DNM3: variants seen among roughly 807,000 people sequenced by gnomAD.
DNM3 encodes the protein dynamin 3.
In DNM3, 47 loss-of-function variants were observed where a neutral mutation model predicts 101.6. The ratio of observed to expected loss-of-function variants is 0.46; its 90% CI spans 0.37 to 0.59. DNM3 has a LOEUF of 0.59. Among genes scored for constraint, DNM3 ranks in the 20% least tolerant of loss-of-function variants. DNM3 has a pLI of 0.00. For missense variants in DNM3, 849 were observed against 1,085.7 expected, an observed-to-expected ratio of 0.78 and a Z score of 3.06; for synonymous variants, 385 against 387.9, an observed-to-expected ratio of 0.99 and a Z score of 0.09.
chr1:172,403,748 C>A (rs2070683470), intron 20 of DNM3, among the ~76,000 whole-genome samples: 1 of 152,102 alleles, frequency 6.6e-6, no homozygotes, highest in Non-Finnish European at 1.5e-5. Context: ...CACAGTGTTT[C>A]AATAAACACT....
At chr1:171,923,815 T>C (rs2040357791) in intron 2 of DNM3, among the ~76,000 whole-genome samples, 1 of 152,194 alleles carries the variant, frequency 6.6e-6, no homozygotes, top group Non-Finnish European at 1.5e-5. Flanking sequence ...AGGTAGAATT[T>C]CAACCTTCAC....
chr1:171,931,280 A>G (rs534818247), intron 2 of DNM3, among the ~76,000 whole-genome samples: 1 of 152,304 alleles, frequency 6.6e-6, no homozygotes, highest in South Asian at 2.1e-4. Flanking sequence ...ATCCCAGCTG[A>G]TATCTGGAGA....
chr1:172,041,518 G>T (rs2049386249), intron 7 of DNM3, among the ~76,000 whole-genome samples: 1 of 152,148 alleles, frequency 6.6e-6, no homozygotes, highest in African/African-American at 2.4e-5. Context: ...TAAAGCGGAA[G>T]GTGTGGAGAA....
At chr1:171,859,502 T>C (rs1268681435) in intron 1 of DNM3, among the ~76,000 whole-genome samples, 1 of 152,188 alleles carries the variant, frequency 6.6e-6, no homozygotes, top group Non-Finnish European at 1.5e-5. Context: ...AATGCATTAA[T>C]CTACAAATAT....
At chr1:172,325,239 C>A (rs2065892760) in intron 17 of DNM3, among the ~76,000 whole-genome samples, 1 of 152,150 alleles carries the variant, frequency 6.6e-6, no homozygotes, top group South Asian at 2.1e-4. Flanking sequence ...GCAGAAGGCT[C>A]TTCAGGGTCT....
chr1:171,907,615 C>T (rs1421634359), intron 1 of DNM3, among the ~76,000 whole-genome samples: 2 of 152,148 alleles, frequency 1.3e-5, no homozygotes, highest in Non-Finnish European at 2.9e-5. Context: ...ATCTGGCGCC[C>T]CTTTCTTTCT....
At chr1:172,402,036 A>G (rs2070528775) in intron 20 of DNM3, among the ~76,000 whole-genome samples, 1 of 152,058 alleles carries the variant, frequency 6.6e-6, no homozygotes, top group Non-Finnish European at 1.5e-5. Flanking sequence ...GCCCATTCAC[A>G]CTCATTGATC....
intron 14 of DNM3, among the ~76,000 whole-genome samples, chr1:172,227,302 A>ATATATATATATATATATATATATATATC (rs1557846135): frequency 7.8e-6 from 1 of 127,574 alleles, no homozygotes; most frequent in African/African-American, 2.9e-5. Context: ...ATATATATAT[A>ATATATATATATATATATATATATATATC]TATCACATTT....
At chr1:172,308,146 A>T (rs1434569984) in intron 15 of DNM3, among the ~76,000 whole-genome samples, 1 of 152,210 alleles carries the variant, frequency 6.6e-6, no homozygotes, top group Non-Finnish European at 1.5e-5. Context: ...CATGTATTGC[A>T]TTTTATGTAA....
chr1:172,193,071 A>G (rs926214660), intron 14 of DNM3, among the ~76,000 whole-genome samples: 6 of 151,698 alleles, frequency 4.0e-5, no homozygotes, highest in Admixed American at 3.9e-4. Flanking sequence ...TTGCCATTCT[A>G]ACTGGTGTGA....
At position 172,014,761 on chromosome 1, in the gene DNM3, A is replaced by AT. The variant is rs371990984; in HGVS notation, c.590-17632dup. On this transcript the variant is annotated intron_variant, in intron 4 of 20. Transcript: ENST00000627582. ...CTGTGACTTGTTTTCTCACTTTTTA[A>AT]TTTTTTTTTCTGAGCAGAGCTTTTA... Among the ~76,000 whole-genome samples the AT allele has an allele frequency of 9.8e-3, 1,468 of 150,384 alleles. 29 individuals are homozygous for AT. The highest frequency in any genetic ancestry group is 0.034 in the African/African-American group (1,396 of 41,042).
intron 17 of DNM3, among the ~76,000 whole-genome samples, chr1:172,354,112 T>TGTGTGTGAGAGAGAGAGAGAGAGA (rs138540712): frequency 2.1e-5 from 2 of 94,940 alleles, no homozygotes; most frequent in Non-Finnish European, 1.9e-5. Flanking sequence ...TGTGTGTGTG[T>TGTGTGTGAGAGAGAGAGAGAGAGA]GAGAGAGAGA....
chr1:172,354,112 T>TGTGTGAGAGAGAGAGAGAGAGA (rs138540712), intron 17 of DNM3, among the ~76,000 whole-genome samples: 50 of 94,958 alleles, frequency 5.3e-4, no homozygotes, highest in Admixed American at 7.8e-4. Context: ...TGTGTGTGTG[T>TGTGTGAGAGAGAGAGAGAGAGA]GAGAGAGAGA....
chr1:171,925,152 C>T (rs1451246693), intron 2 of DNM3, among the ~76,000 whole-genome samples: 2 of 151,718 alleles, frequency 1.3e-5, no homozygotes, highest in Admixed American at 6.6e-5. Flanking sequence ...TCACCCACCT[C>T]GGTCTCCCAA....
In DNM3 at chr1:172,411,510, C is replaced by A. The variant is rs1253602848; in HGVS notation, c.*3669C>A. 2 of 976,554 alleles carry A rather than the reference C, an allele frequency of 2.0e-6. No individual in the cohort carries two copies. Among genetic ancestry groups the A allele is most frequent in the East Asian group, 1.2e-4 (1 of 8,620 alleles). The allele number at this position is 976,554 out of a possible 1,614,324, so 60.5% of individuals were successfully genotyped here. A position where few individuals can be genotyped will look rare whatever the true frequency, so the allele number is the denominator to read the frequency against. On this transcript the variant is annotated 3_prime_UTR_variant, in exon 21 of 21. Coordinates refer to ENST00000627582, the MANE Select transcript of DNM3 (RefSeq NM_015569.5). Reference sequence around the variant, plus strand: ...AATCTTAAAAAGCCAAGTTGATATACATAGTCATTTTTCCTCTATGGTAGA... The same window carrying A: ...AATCTTAAAAAGCCAAGTTGATATAAATAGTCATTTTTCCTCTATGGTAGA...
rs187218109 is a variant in DNM3, at chr1:172,146,614, A to G, written c.1659+15326A>G. 3.1e-3 allele frequency among the ~76,000 whole-genome samples: 477 copies of G among 152,204 alleles called. 2 individuals carry two copies. Among genetic ancestry groups the G allele is most frequent in the African/African-American group, 0.01 (430 of 41,556 alleles). ...AATGATCTAAGTGTGACTAAATACA[A>G]TCTAATACTTGTATTATATGTGGAT... is the stretch of plus-strand genomic sequence containing the variant. On this transcript the variant is annotated intron_variant, in intron 14 of 20. Transcript: ENST00000627582.
Position 171,956,868 on chromosome 1 carries a change from C to T in DNM3, c.236-30788C>T, listed in dbSNP as rs114385009. On this transcript the variant is annotated intron_variant, in intron 2 of 20. Transcript: ENST00000627582. Reference sequence around the variant, plus strand: ...AGACTCAATACCACATGGAAGCTACCAGGGCTTGGGACTTGCACCCTCAGA... The same window carrying T: ...AGACTCAATACCACATGGAAGCTACTAGGGCTTGGGACTTGCACCCTCAGA... 3.3e-3 allele frequency among the ~76,000 whole-genome samples: 509 copies of T among 152,302 alleles called. 5 individuals are homozygous for T. The highest frequency in any genetic ancestry group is 0.012 in the African/African-American group (487 of 41,558).
At chr1:171,920,339 C>T (rs900487471) in intron 1 of DNM3, among the ~76,000 whole-genome samples, 2 of 152,198 alleles carry the variant, frequency 1.3e-5, no homozygotes, top group Non-Finnish European at 2.9e-5. Flanking sequence ...TCATAGCACG[C>T]CACATGCCAT....
intron 17 of DNM3, among the ~76,000 whole-genome samples, chr1:172,375,938 G>C (rs2068577046): frequency 6.6e-6 from 1 of 151,706 alleles, no homozygotes; most frequent in Admixed American, 6.6e-5. Flanking sequence ...ACTGCAGTGA[G>C]CTATGATCAC....
Sources: gnomAD v4.1 joint callset for allele counts (sites outside exome capture counted in the v4.1 genomes callset) on GRCh38, gnomAD v4.1.1 for gene constraint, MANE v1.5 for transcripts, NCBI Gene and HGNC (gene_info 2026-07-23, HGNC 2026-07-21) for gene names.